SPEG: variants seen among roughly 807,000 people sequenced by gnomAD.
SPEG encodes the protein striated muscle enriched protein kinase.
A neutral mutation model predicts 300.4 loss-of-function variants in SPEG; 114 were observed. That is an observed-to-expected ratio of 0.38 (90% CI 0.33 to 0.44). The LOEUF is 0.44. Ranked by LOEUF, SPEG falls within the 20% of genes least tolerant of loss-of-function variation. SPEG has a pLI of 1.00. For synonymous variants in SPEG, 1,964 were observed against 2,018.9 expected (o/e 0.97, Z 0.73); for missense variants, 4,201 against 4,586.2 (o/e 0.92, Z 2.43).
In SPEG at chr2:219,444,966, G is replaced by A. The variant is rs202020343; in HGVS notation, c.620G>A (p.Arg207His). The A allele has an allele frequency of 1.5e-3, 2,432 of 1,603,552 alleles. 12 individuals carry two copies. Among genetic ancestry groups the A allele is most frequent in the South Asian group, 0.011 (1,029 of 89,788 alleles). ...GCGGGCAGTGGGGGTGGCACCCGCC[G>A]CCTCCCGGGCAGCCCAAGGCAAGCA... Reference protein sequence around the residue: ...QEAGSGGGTRRLPGSPRQAQA... With the variant: ...QEAGSGGGTRHLPGSPRQAQA... The change falls in exon 3 of 41, where the codon CGC (arginine) becomes CAC (histidine). Residue 207 changes from arginine to histidine, a missense_variant. Physicochemically the swap from Arg to His is conservative, Grantham distance 29. Coordinates refer to ENST00000312358, the MANE Select transcript of SPEG (RefSeq NM_005876.5). This position sits in a 1 kb window ranked among gnomAD's most constrained non-coding sequence, Gnocchi z 7.8.
chr2:219,493,585 G>T lies in SPEG; in HGVS notation c.*799G>T. 2.1e-6 allele frequency: 1 copy of T among 467,190 alleles called. No individual in the cohort carries two copies. The highest frequency in any genetic ancestry group is 1.5e-5 in the South Asian group (1 of 65,384). 28.9% of individuals were successfully genotyped at this position (467,190 alleles called of 1,614,324 possible). ...CCTGACCATCCCTCCCAGCCATCCA[G>T]CTGTCTGTCTGTCTGCCACAAGGAA... is the stretch of plus-strand genomic sequence containing the variant. On this transcript the variant is annotated 3_prime_UTR_variant, in exon 41 of 41. Transcript: ENST00000312358.
At position 219,444,492 on chromosome 2, in the gene SPEG, C is replaced by T. The variant is rs1452742087; in HGVS notation, c.389-161C>T. Among the ~76,000 whole-genome samples the T allele has an allele frequency of 6.6e-6, 1 of 152,004 alleles. No individual in the cohort carries two copies. Among genetic ancestry groups the T allele is most frequent in the Non-Finnish European group, 1.5e-5 (1 of 67,974 alleles). On this transcript the variant is annotated intron_variant, in intron 1 of 40. Coordinates refer to ENST00000312358, the MANE Select transcript of SPEG (RefSeq NM_005876.5). The surrounding 1 kb of genome is among the most constrained non-coding windows in gnomAD (Gnocchi z 7.8). ...CATGGGAGGGGTTATCCTGAGCAGC[C>T]CAGGCTGGGCAGGGGATGTGGGGAG...
At position 219,483,939 on chromosome 2, in the gene SPEG, G is replaced by C; in HGVS notation, c.6476G>C (p.Arg2159Pro). 6.2e-7 allele frequency: 1 copy of C among 1,605,456 alleles called. No homozygotes were observed. Among genetic ancestry groups the C allele is most frequent in the Non-Finnish European group, 8.5e-7 (1 of 1,179,744 alleles). ...ATCCCCGTGGCCAGGCTTGGGGCCCGTAGGCTACAGGAGTCTCCTTCCCTG... is the reference window on the plus strand; with the variant it reads ...ATCCCCGTGGCCAGGCTTGGGGCCCCTAGGCTACAGGAGTCTCCTTCCCTG... ...LEIPVARLGA[R>P]RLQESPSLSA... The change falls in exon 30 of 41, where the codon CGT (arginine) becomes CCT (proline). Residue 2159 changes from arginine to proline, a missense_variant. By Grantham distance (103) the Arg-to-Pro change is moderately radical. This residue lies in a region of SPEG where 1,578 missense variants were observed against 1,506.0 expected (regional missense o/e 1.05). Coordinates refer to ENST00000312358, the MANE Select transcript of SPEG (RefSeq NM_005876.5).
rs1383504439 is a variant in SPEG, at chr2:219,477,848, G to C, written c.4827-57G>C. 6.3e-7 allele frequency: 1 copy of C among 1,598,572 alleles called. No individual in the cohort carries two copies. Among genetic ancestry groups the C allele is most frequent in the Admixed American group, 1.7e-5 (1 of 59,666 alleles). Reference sequence around the variant, plus strand: ...AGGCTGCTGGGTCTGAGGGTTGGGAGGGGTGGAGAGGGCCACAGTGATGGC... The same window carrying C: ...AGGCTGCTGGGTCTGAGGGTTGGGACGGGTGGAGAGGGCCACAGTGATGGC... On this transcript the variant is annotated intron_variant, in intron 21 of 40. Coordinates refer to ENST00000312358, the MANE Select transcript of SPEG (RefSeq NM_005876.5). This position sits in a 1 kb window ranked among gnomAD's most constrained non-coding sequence, Gnocchi z 6.4.
At chr2:219,491,395 G>A (rs188935827) in intron 38 of SPEG, among the ~76,000 whole-genome samples, 4 of 152,220 alleles carry the variant, frequency 2.6e-5, no homozygotes, top group Admixed American at 1.3e-4. Flanking sequence ...TTAGTAAATC[G>A]CCCAGGGTCC....
chr2:219,488,857 C>T lies in SPEG; in HGVS notation c.8106C>T (p.Asp2702=). The change falls in exon 34 of 41, where the codon GAC becomes GAT. Residue 2702 remains aspartate, a synonymous_variant. Coordinates refer to ENST00000312358, the MANE Select transcript of SPEG (RefSeq NM_005876.5). ...DTALVLWKPG[D]SRAPCTYTLE... ...CGCTGGTGCTGTGGAAGCCGGGAGA[C>T]AGCCGGGCACCTTGCACGTATACGC... The T allele has an allele frequency of 1.3e-6, 2 of 1,587,742 alleles. No homozygotes were observed. The highest frequency in any genetic ancestry group is 1.7e-6 in the Non-Finnish European group (2 of 1,165,950).
chr2:219,451,544 TGTG>T lies in SPEG; in HGVS notation c.2258-77_2258-75del. On this transcript the variant is annotated intron_variant, in intron 5 of 40. Transcript: ENST00000312358. This position sits in a 1 kb window ranked among gnomAD's most constrained non-coding sequence, Gnocchi z 6.4. ...CTGAGAGGAGAGGTTTGGTCTCCTG[TGTG>T]GTGTGTGGGGTAGGAGTAGAGATTC... 1 of 1,342,894 alleles carries T rather than the reference TGTG, an allele frequency of 7.4e-7. No homozygotes were observed. 83.2% of individuals were successfully genotyped at this position (1,342,894 alleles called of 1,614,324 possible). A position where few individuals can be genotyped will look rare whatever the true frequency, so the allele number is the denominator to read the frequency against.
At chr2:219,475,780 G>T (rs186032603) in intron 18 of SPEG, among the ~76,000 whole-genome samples, 1 of 152,344 alleles carries the variant, frequency 6.6e-6, no homozygotes, top group African/African-American at 2.4e-5. Flanking sequence ...CTCTGATGGG[G>T]CTGGGGCTTG....
At position 219,473,927 on chromosome 2, in the gene SPEG, C is replaced by G. The variant is rs750201928; in HGVS notation, c.4447+24C>G. On this transcript the variant is annotated intron_variant, in intron 18 of 40. Transcript: ENST00000312358. This position sits in a 1 kb window ranked among gnomAD's most constrained non-coding sequence, Gnocchi z 4.6. The stretch of plus-strand genomic sequence containing the variant: ...AGGTGGGTGACAGCGGGCCTTCTTC[C>G]TAGCCTCCCTCCAAGGCCCAAAGCT... The G allele has an allele frequency of 1.9e-5, 30 of 1,587,770 alleles. No homozygotes were observed. In the Admixed American group the frequency reaches 5.1e-4, roughly 27 times the overall value.
rs1394564669 is a variant in SPEG, at chr2:219,489,732, C to T, written c.8714C>T (p.Ser2905Phe). 2 of 1,613,840 alleles carry T rather than the reference C, an allele frequency of 1.2e-6. No individual in the cohort carries two copies. Among genetic ancestry groups the T allele is most frequent in the African/African-American group, 2.7e-5 (2 of 74,916 alleles). ...SSSTPVYVVT[S>F]FVSAPPAPEP... ...TCTACTCCTGTGTATGTGGTGACTT[C>T]CTTTGTGTCTGCACCACCAGCCCCT... is the stretch of plus-strand genomic sequence containing the variant. Residue 2905 changes from serine (S) to phenylalanine (F), a missense_variant, in exon 36 of 41, where the codon TCC (serine) becomes TTC (phenylalanine). Ser to Phe is a radical substitution (Grantham distance 155, BLOSUM62 -2). Coordinates refer to ENST00000312358, the MANE Select transcript of SPEG (RefSeq NM_005876.5).
chr2:219,451,119 A>T lies in SPEG; in HGVS notation c.2114-17A>T. ...AGGGATCATGGCCCCTTACCCCGTTATTCCTGTGTCCGGCAGAGTCTTCGG... is the reference window on the plus strand; with the variant it reads ...AGGGATCATGGCCCCTTACCCCGTTTTTCCTGTGTCCGGCAGAGTCTTCGG... On this transcript the variant is annotated splice_polypyrimidine_tract_variant and intron_variant, in intron 4 of 40. Transcript: ENST00000312358. The surrounding 1 kb of genome is among the most constrained non-coding windows in gnomAD (Gnocchi z 6.4). 1.9e-6 allele frequency: 3 copies of T among 1,601,042 alleles called. No individual in the cohort carries two copies. In the South Asian group the frequency reaches 3.4e-5, roughly 18 times the overall value.
Position 219,489,071 on chromosome 2 carries a change from C to T in SPEG, c.8167C>T (p.Pro2723Ser), listed in dbSNP as rs1693720396. 3.1e-6 allele frequency: 5 copies of T among 1,613,742 alleles called. No homozygotes were observed. Among genetic ancestry groups the T allele is most frequent in the African/African-American group, 1.3e-5 (1 of 74,856 alleles). ...GCCTATAGGGGAGTCTGTGTGGCACCCTGTGAGCTCAGGCATCCCCGACTG... is the reference window on the plus strand; with the variant it reads ...GCCTATAGGGGAGTCTGTGTGGCACTCTGTGAGCTCAGGCATCCCCGACTG... ...RRVDGESVWHPVSSGIPDCYY... is the reference protein window; with the variant it reads ...RRVDGESVWHSVSSGIPDCYY... The change falls in exon 35 of 41, where the codon CCT (proline) becomes TCT (serine). Residue 2723 changes from proline to serine, a missense_variant. By Grantham distance (74) the Pro-to-Ser change is moderately conservative (BLOSUM62 -1). Transcript: ENST00000312358.
chr2:219,463,540 A>G (rs1017254925), intron 8 of SPEG, among the ~76,000 whole-genome samples: 15 of 150,352 alleles, frequency 1.0e-4, no homozygotes, highest in African/African-American at 3.7e-4. Context: ...CAGCCTCCTG[A>G]GTAGCTGGGA....
chr2:219,491,967 CT>C lies in SPEG; in HGVS notation c.9461+99del, dbSNP rs932088677. On this transcript the variant is annotated intron_variant, in intron 39 of 40. Coordinates refer to ENST00000312358, the MANE Select transcript of SPEG (RefSeq NM_005876.5). ...CCCTCTCCCCCGTGCCCCACCTCCCCTGTACACACATCCACACTGCACACTC... is the reference window on the plus strand; with the variant it reads ...CCCTCTCCCCCGTGCCCCACCTCCCCGTACACACATCCACACTGCACACTC... 3.0e-6 allele frequency: 4 copies of C among 1,352,058 alleles called. No homozygotes were observed. In the African/African-American group the frequency reaches 5.7e-5, roughly 19 times the overall value. The allele number at this position is 1,352,058 out of a possible 1,614,324, so 83.8% of individuals were successfully genotyped here. A position where few individuals can be genotyped will look rare whatever the true frequency, so the allele number is the denominator to read the frequency against.
chr2:219,462,638 T>G (rs984766762), intron 8 of SPEG, among the ~76,000 whole-genome samples: 4 of 152,224 alleles, frequency 2.6e-5, no homozygotes, highest in African/African-American at 7.2e-5. Context: ...GATAAATGAC[T>G]GGGTGCGGTG....
In SPEG at chr2:219,448,551, G is replaced by C; in HGVS notation, c.1393G>C (p.Glu465Gln). The change falls in exon 4 of 41, where the codon GAG (glutamate) becomes CAG (glutamine). Residue 465 changes from glutamate to glutamine, a missense_variant. This residue lies in a region of SPEG where 1,258 missense variants were observed against 1,293.9 expected (regional missense o/e 0.97). Coordinates refer to ENST00000312358, the MANE Select transcript of SPEG (RefSeq NM_005876.5). ...EELRAPGSVA[E>Q]RRRLFQQKAA... ...ACTGCGGGCGCCAGGCAGCGTGGCC[G>C]AGCGGCGCCGCCTGTTCCAGCAGAA... The C allele has an allele frequency of 1.4e-6, 2 of 1,445,410 alleles. No individual in the cohort carries two copies. The highest frequency in any genetic ancestry group is 1.8e-6 in the Non-Finnish European group (2 of 1,108,740). 89.5% of individuals were successfully genotyped at this position (1,445,410 alleles called of 1,614,324 possible). A position where few individuals can be genotyped will look rare whatever the true frequency, so the allele number is the denominator to read the frequency against.
rs1649943563 is a variant in SPEG at position 219,445,051 on chromosome 2, A to C, written c.705A>C (p.Arg235=). Residue 235 remains arginine, a synonymous_variant, in exon 3 of 41, where the codon CGA becomes CGC. Transcript: ENST00000312358. The surrounding 1 kb of genome is among the most constrained non-coding windows in gnomAD (Gnocchi z 6.1). ...LGVEPLVRAS[R]ANLVGASWGS... Reference sequence around the variant, plus strand: ...TGGAGCCGCTGGTGCGGGCATCTCGAGCTAATCTGGTGGGCGCAAGCTGGG... The same window carrying C: ...TGGAGCCGCTGGTGCGGGCATCTCGCGCTAATCTGGTGGGCGCAAGCTGGG... The C allele has an allele frequency of 6.2e-7, 1 of 1,607,360 alleles. No homozygotes were observed. The highest frequency in any genetic ancestry group is 8.5e-7 in the Non-Finnish European group (1 of 1,177,028).
At chr2:219,463,375 G>A (rs1690921030) in intron 8 of SPEG, among the ~76,000 whole-genome samples, 1 of 80,364 alleles carries the variant, frequency 1.2e-5, no homozygotes, top group Non-Finnish European at 2.5e-5. Flanking sequence ...TTAATTGATT[G>A]TCTGGTCCCC....
At chr2:219,471,115 G>T (rs577527635) in intron 13 of SPEG, among the ~76,000 whole-genome samples, 76 of 152,266 alleles carry the variant, frequency 5.0e-4, no homozygotes, top group Admixed American at 3.2e-3. Flanking sequence ...GCAGGCGAGA[G>T]GGTTGGGGTC....
Sources: allele counts gnomAD v4.1 joint callset (sites outside exome capture counted in the v4.1 genomes callset), GRCh38; gene constraint gnomAD v4.1.1; regional missense constraint gnomAD v4.1.1; non-coding constraint Gnocchi (gnomAD v3.1); transcripts MANE v1.5; gene names NCBI Gene and HGNC (gene_info 2026-07-23, HGNC 2026-07-21).